MTHFD1: variants seen among roughly 807,000 people sequenced by gnomAD.
The protein encoded by MTHFD1 is C-1-tetrahydrofolate synthase, cytoplasmic.
Under a neutral mutation model 110.3 loss-of-function variants are expected in MTHFD1, and 44 were observed. That is an observed-to-expected ratio of 0.40 (90% CI 0.31 to 0.51). MTHFD1 has a LOEUF of 0.51. MTHFD1 is among the 20% of genes least tolerant of loss of function. MTHFD1 has a pLI of 0.60. For synonymous variants in MTHFD1, 402 were observed against 428.8 expected (o/e 0.94, Z 0.77); for missense variants, 909 against 1,173.1 (o/e 0.77, Z 3.29).
chr14:64,458,240 C>T lies in MTHFD1; in HGVS notation c.2745C>T (p.Thr915=), dbSNP rs2078506814. The change falls in exon 27 of 28, where the codon ACC becomes ACT. Residue 915 remains threonine, a synonymous_variant. Transcript: ENST00000652337. ...GTMSTMPGLP[T]RPCFYDIDLD... is the part of the protein sequence containing the mutation. ...TGAGCACAATGCCTGGACTCCCCAC[C>T]CGGCCCTGTTTTTATGATATTGATT... 1 of 1,612,948 alleles carries T rather than the reference C, an allele frequency of 6.2e-7. No homozygotes were observed. Among genetic ancestry groups the T allele is most frequent in the African/African-American group, 1.3e-5 (1 of 74,878 alleles).
At chr14:64,425,664 C>G in intron 9 of MTHFD1, 66 bp from the exon 10 acceptor site, 1 of 1,313,060 alleles carries the variant, frequency 7.6e-7, no homozygotes, top group South Asian at 1.2e-5. Context: ...TGACCTGGAG[C>G]TTGAAACTGA....
chr14:64,388,628 C>G, intron 1 of MTHFD1, 160 bp downstream of exon 1: 1 of 736,264 alleles, frequency 1.4e-6, no homozygotes, highest in Non-Finnish European at 2.4e-6. Flanking sequence ...AACCCGGGCA[C>G]AACCTGCGTT....
intron 2 of MTHFD1, among the ~76,000 whole-genome samples, chr14:64,406,013 A>G (rs1007174132): frequency 4.7e-5 from 7 of 147,710 alleles, no homozygotes; most frequent in South Asian, 2.1e-4. Flanking sequence ...GTGTGTGTGT[A>G]TATATATATA....
Position 64,444,556 on chromosome 14 carries a change from T to C in MTHFD1, c.2137-137T>C, listed in dbSNP as rs2078275425. The C allele has an allele frequency of 1.1e-5, 11 of 979,256 alleles. No homozygotes were observed. In the South Asian group the frequency reaches 1.5e-4, roughly 13 times the overall value. The allele number at this position is 979,256 out of a possible 1,614,324, so 60.7% of individuals were successfully genotyped here. ...TGATTGGTCACATACCCTAAGTCCT[T>C]AGGGCAGGAAATAATCTTATACTAC... On this transcript the variant is annotated intron_variant, in intron 21 of 27. Coordinates refer to ENST00000652337, the MANE Select transcript of MTHFD1 (RefSeq NM_005956.4).
chr14:64,402,586 C>T (rs2077905942), intron 2 of MTHFD1, among the ~76,000 whole-genome samples: 1 of 152,024 alleles, frequency 6.6e-6, no homozygotes, highest in South Asian at 2.1e-4. Context: ...GCATCTGTTT[C>T]AGCTAACAAG....
At chr14:64,435,720 C>A in intron 16 of MTHFD1, 49 bp downstream of exon 16, 3 of 1,039,108 alleles carry the variant, frequency 2.9e-6, no homozygotes, top group Non-Finnish European at 3.0e-6. Context: ...TATTGCACAC[C>A]CTACACCCTC....
In MTHFD1 at chr14:64,424,795, C is replaced by T. The variant is rs1278045922; in HGVS notation, c.728-9C>T. 5 of 1,613,868 alleles carry T rather than the reference C, an allele frequency of 3.1e-6. No individual in the cohort carries two copies. Among genetic ancestry groups the T allele is most frequent in the Non-Finnish European group, 3.4e-6 (4 of 1,179,986 alleles). ...AGACTTAGTTTTGATTTCTCCCCCACTTGACCAGATGATAAAAAACCAAAT... is the reference window on the plus strand; with the variant it reads ...AGACTTAGTTTTGATTTCTCCCCCATTTGACCAGATGATAAAAAACCAAAT... On this transcript the variant is annotated splice_polypyrimidine_tract_variant and intron_variant, in intron 8 of 27. Coordinates refer to ENST00000652337, the MANE Select transcript of MTHFD1 (RefSeq NM_005956.4).
chr14:64,401,562 G>T (rs973746272), intron 2 of MTHFD1, among the ~76,000 whole-genome samples: 1 of 151,990 alleles, frequency 6.6e-6, no homozygotes, highest in Non-Finnish European at 1.5e-5. Context: ...AATTAGCTGG[G>T]CGTGGTGGTG....
At position 64,410,522 on chromosome 14, in the gene MTHFD1, G is replaced by A. The variant is rs150604150; in HGVS notation, c.127-568G>A. ...ATTATAGACCTGAGTTGCTGCACCC[G>A]GCCTCCTCTCTGTGTTGGGGCCAGC... On this transcript the variant is annotated intron_variant, in intron 2 of 27. Coordinates refer to ENST00000652337, the MANE Select transcript of MTHFD1 (RefSeq NM_005956.4). 2.7e-3 allele frequency among the ~76,000 whole-genome samples: 415 copies of A among 152,200 alleles called. 1 individual carries two copies. Among genetic ancestry groups the A allele is most frequent in the African/African-American group, 8.7e-3 (363 of 41,518 alleles).
intron 15 of MTHFD1, among the ~76,000 whole-genome samples, chr14:64,432,999 C>T (rs965631237): frequency 3.9e-5 from 6 of 152,062 alleles, no homozygotes; most frequent in Admixed American, 2.0e-4. Context: ...TGGTCTAAAG[C>T]GATGGTCCTG....
chr14:64,414,211 G>T (rs1003804235), intron 4 of MTHFD1, among the ~76,000 whole-genome samples: 2 of 150,536 alleles, frequency 1.3e-5, no homozygotes, highest in Admixed American at 6.6e-5. Flanking sequence ...TCAAACTACT[G>T]ACCTCAAGTG....
chr14:64,444,545 C>A, intron 21 of MTHFD1, 148 bp from the exon 22 acceptor site: 6 of 844,948 alleles, frequency 7.1e-6, no homozygotes, highest in African/African-American at 1.7e-5. Context: ...TGGTCACATA[C>A]CCTAAGTCCT....
Position 64,458,932 on chromosome 14 carries a change from T to G in MTHFD1, c.*4+625T>G, listed in dbSNP as rs2078519380. On this transcript the variant is annotated intron_variant, in intron 27 of 27. Transcript: ENST00000652337. ...GTGTGCACTTATATCCCTAGACACA[T>G]CCTGTTGAAACTGCAAAAATATCAA... is the stretch of plus-strand genomic sequence containing the variant. 1.3e-5 allele frequency among the ~76,000 whole-genome samples: 2 copies of G among 152,196 alleles called. 1 individual carries two copies. The highest frequency in any genetic ancestry group is 4.1e-4 in the South Asian group (2 of 4,828).
chr14:64,412,926 C>T (rs1350675773), intron 4 of MTHFD1, among the ~76,000 whole-genome samples: 1 of 151,646 alleles, frequency 6.6e-6, no homozygotes, highest in African/African-American at 2.4e-5. Context: ...GCGTGAGCCA[C>T]CACGCCTGGC....
Position 64,419,926 on chromosome 14 carries a change from G to A in MTHFD1, c.727+1G>A, listed in dbSNP as rs781065280. 17 of 1,607,130 alleles carry A rather than the reference G, an allele frequency of 1.1e-5. No homozygotes were observed. Among genetic ancestry groups the A allele is most frequent in the Non-Finnish European group, 1.7e-6 (2 of 1,173,800 alleles). On this transcript the variant is annotated splice_donor_variant, in intron 8 of 27. Coordinates refer to ENST00000652337, the MANE Select transcript of MTHFD1 (RefSeq NM_005956.4). LOFTEE classifies it high-confidence loss of function. ...GACTGTGGAATCAATTATGTCCCAG[G>A]TGAGTGTTGTTGGAGGAGTAAGGTG...
intron 4 of MTHFD1, among the ~76,000 whole-genome samples, chr14:64,414,409 A>G (rs1555337039): frequency 6.7e-6 from 1 of 148,814 alleles, no homozygotes; most frequent in Non-Finnish European, 1.5e-5. Context: ...CTCATGCCTC[A>G]GCCTCCTGAG....
intron 1 of MTHFD1, among the ~76,000 whole-genome samples, chr14:64,399,914 T>A (rs563196837): frequency 1.2e-4 from 18 of 152,260 alleles, no homozygotes; most frequent in African/African-American, 4.3e-4. Context: ...TAGCTGGGAC[T>A]ACAGGGGCCT....
chr14:64,450,476 C>T lies in MTHFD1; in HGVS notation c.2457+854C>T, dbSNP rs146841179. Among the ~76,000 whole-genome samples the T allele has an allele frequency of 7.4e-3, 1,123 of 152,280 alleles. 13 individuals carry two copies. The highest frequency in any genetic ancestry group is 0.027 in the Middle Eastern group (8 of 294). On this transcript the variant is annotated intron_variant, in intron 24 of 27. Coordinates refer to ENST00000652337, the MANE Select transcript of MTHFD1 (RefSeq NM_005956.4). ...TTCCATCACTAAGCAAATTAAATTA[C>T]ACCTGGTCTAAGTAGAGCCCTGCTT...
intron 21 of MTHFD1, among the ~76,000 whole-genome samples, chr14:64,442,945 G>C (rs1360529338): frequency 6.6e-6 from 1 of 152,068 alleles, no homozygotes; most frequent in Non-Finnish European, 1.5e-5. Flanking sequence ...CCTGAATTTT[G>C]TATTTCTCTG....
Sources: allele counts gnomAD v4.1 joint callset (sites outside exome capture counted in the v4.1 genomes callset), GRCh38; gene constraint gnomAD v4.1.1; transcripts MANE v1.5; gene names NCBI Gene and HGNC (gene_info 2026-07-23, HGNC 2026-07-21).